Variants in ARMC2 observed in about 807,000 individuals in gnomAD.
ARMC2 encodes the protein armadillo repeat-containing protein 2.
ARMC2 carries 67 observed loss-of-function variants against 90.3 expected under a neutral mutation model. The ratio of observed to expected loss-of-function variants is 0.74; its 90% CI spans 0.61 to 0.91. The LOEUF (loss-of-function observed/expected upper bound fraction) is 0.91. Among genes scored for constraint, ARMC2 ranks in the 40% least tolerant of loss-of-function variants. The pLI is 0.00. For missense variants in ARMC2, 920 were observed against 1,030.9 expected, an observed-to-expected ratio of 0.89 and a Z score of 1.47; for synonymous variants, 393 against 393.0, an observed-to-expected ratio of 1.00 and a Z score of 0.00.
chr6:108,947,942 T>TG (rs1462583760), intron 12 of ARMC2, among the ~76,000 whole-genome samples: 1 of 152,076 alleles, frequency 6.6e-6, no homozygotes, highest in African/African-American at 2.4e-5. Flanking sequence ...GCTATAAAAA[T>TG]GGAGTGTTAA....
At chr6:108,896,936 T>C (rs1771667924) in intron 6 of ARMC2, among the ~76,000 whole-genome samples, 1 of 152,244 alleles carries the variant, frequency 6.6e-6, no homozygotes, top group Non-Finnish European at 1.5e-5. Flanking sequence ...TTCACTTACC[T>C]TGATAATGTT....
At chr6:108,857,674 T>C (rs1158527842) in intron 2 of ARMC2, among the ~76,000 whole-genome samples, 1 of 152,222 alleles carries the variant, frequency 6.6e-6, no homozygotes, top group Non-Finnish European at 1.5e-5. Flanking sequence ...CTATTCCCAG[T>C]TTGCTAAGAA....
intron 5 of ARMC2, among the ~76,000 whole-genome samples, chr6:108,882,369 G>A (rs1183363151): frequency 4.0e-5 from 6 of 151,528 alleles, no homozygotes; most frequent in Admixed American, 3.3e-4. Flanking sequence ...AACCCGGGAG[G>A]CAGAGCTTTC....
the ARMC2 span, among the ~76,000 whole-genome samples, chr6:108,995,133 T>A: frequency 6.6e-6 from 1 of 152,224 alleles, no homozygotes; most frequent in African/African-American, 2.4e-5. Flanking sequence ...AAAAAAATGA[T>A]TTTAAGAACA....
At chr6:108,871,926 G>A (rs947015548) in intron 4 of ARMC2, among the ~76,000 whole-genome samples, 2 of 152,198 alleles carry the variant, frequency 1.3e-5, no homozygotes, top group African/African-American at 4.8e-5. Flanking sequence ...CCAGCATTCA[G>A]GAAATACTGG....
intron 12 of ARMC2, among the ~76,000 whole-genome samples, chr6:108,939,897 C>T (rs1776292793): frequency 6.6e-6 from 1 of 152,168 alleles, no homozygotes; most frequent in African/African-American, 2.4e-5. Context: ...ACTAACTTAA[C>T]CTCTTGATAC....
chr6:108,937,890 G>T (rs1008096639), intron 12 of ARMC2, among the ~76,000 whole-genome samples: 8 of 151,916 alleles, frequency 5.3e-5, no homozygotes, highest in Admixed American at 4.6e-4. Flanking sequence ...TAGAGACGAG[G>T]TTTCACCGTG....
At chr6:109,026,240 A>T in the ARMC2 span, among the ~76,000 whole-genome samples, 2 of 152,166 alleles carry the variant, frequency 1.3e-5, no homozygotes, top group Non-Finnish European at 2.9e-5. Context: ...AAAACTAAGA[A>T]TCTACCACCA....
chr6:109,041,399 A>G, the ARMC2 span, among the ~76,000 whole-genome samples: 1 of 152,226 alleles, frequency 6.6e-6, no homozygotes, highest in Non-Finnish European at 1.5e-5. Context: ...ACAACTCAGT[A>G]AATCTACCAA....
the ARMC2 span, among the ~76,000 whole-genome samples, chr6:109,025,854 A>C: frequency 0.1 from 15,164 of 152,014 alleles, 918 homozygotes; most frequent in Middle Eastern, 0.19. Flanking sequence ...TAATACATAT[A>C]TAATTGGAAG....
At chr6:108,881,732 G>A (rs1429050018) in intron 5 of ARMC2, among the ~76,000 whole-genome samples, 1 of 152,040 alleles carries the variant, frequency 6.6e-6, no homozygotes, top group Non-Finnish European at 1.5e-5. Context: ...GGAGGGGCTT[G>A]ATACATTAGA....
intron 10 of ARMC2, 23 bp from the exon 11 acceptor site, chr6:108,928,065 G>T (rs184233234): frequency 1.3e-6 from 2 of 1,580,008 alleles, no homozygotes; most frequent in Admixed American, 3.9e-5. Flanking sequence ...AAAAAAAATG[G>T]CACAAGCATG....
At chr6:108,935,560 A>G (rs1026272871) in intron 11 of ARMC2, among the ~76,000 whole-genome samples, 1 of 151,872 alleles carries the variant, frequency 6.6e-6, no homozygotes, top group South Asian at 2.1e-4. Flanking sequence ...TCCTGCCTCA[A>G]CCTGCAGAGT....
chr6:108,990,901 T>C, the ARMC2 span: 3 of 1,344,930 alleles, frequency 2.2e-6, no homozygotes, highest in African/African-American at 1.5e-5. Flanking sequence ...TCTATAGCTC[T>C]GTAGCATGGT....
chr6:109,000,981 A>T, the ARMC2 span, among the ~76,000 whole-genome samples: 1 of 152,164 alleles, frequency 6.6e-6, no homozygotes, highest in Admixed American at 6.5e-5. Flanking sequence ...AAATAATGGA[A>T]TATTATTTAC....
chr6:109,031,704 G>T, the ARMC2 span, among the ~76,000 whole-genome samples: 1 of 152,120 alleles, frequency 6.6e-6, no homozygotes, highest in African/African-American at 2.4e-5. Context: ...GTAGGAAATG[G>T]CCCATCTTTT....
chr6:108,979,563 C>G, the ARMC2 span, among the ~76,000 whole-genome samples: 1 of 152,100 alleles, frequency 6.6e-6, no homozygotes, highest in Non-Finnish European at 1.5e-5. Context: ...GGGAAGTTCT[C>G]CTGGTTAATA....
chr6:108,924,495 A>G (rs1157703414), intron 10 of ARMC2, among the ~76,000 whole-genome samples: 1 of 65,098 alleles, frequency 1.5e-5, no homozygotes, highest in Non-Finnish European at 3.8e-5. Flanking sequence ...CGAAAAAGAA[A>G]AAAGAAAAAA....
At chr6:109,005,365 A>G in the ARMC2 span, among the ~76,000 whole-genome samples, 1 of 152,218 alleles carries the variant, frequency 6.6e-6, no homozygotes, top group Non-Finnish European at 1.5e-5. Context: ...TAGGCAGGAA[A>G]AAAAACCTCA....
Sources: gnomAD v4.1 joint callset for allele counts (sites outside exome capture counted in the v4.1 genomes callset) on GRCh38, gnomAD v4.1.1 for gene constraint, MANE v1.5 for transcripts, NCBI Gene and HGNC (gene_info 2026-07-23, HGNC 2026-07-21) for gene names.